The following PKD1L1 variants were observed in gnomAD, a reference collection of about 807,000 sequenced individuals.
PKD1L1 encodes the protein polycystin 1 like 1, transient receptor potential channel interacting.
In PKD1L1, 236 loss-of-function variants were observed where a neutral mutation model predicts 323.4. The ratio of observed to expected loss-of-function variants is 0.73; its 90% CI spans 0.66 to 0.81. The LOEUF (loss-of-function observed/expected upper bound fraction) is 0.81. Among genes scored for constraint, PKD1L1 ranks in the 40% least tolerant of loss-of-function variants. PKD1L1 has a pLI of 0.00. For missense variants in PKD1L1, 3,320 were observed against 3,508.0 expected (o/e 0.95, Z 1.35); for synonymous variants, 1,344 against 1,335.0 (o/e 1.01, Z -0.15).
intron 47 of PKD1L1, among the ~76,000 whole-genome samples, chr7:47,814,668 C>G (rs1784977259): frequency 6.6e-6 from 1 of 152,184 alleles, no homozygotes; most frequent in Non-Finnish European, 1.5e-5. Flanking sequence ...CACGCGCCAC[C>G]ACACACAGCT....
At position 47,774,925 on chromosome 7, in the gene PKD1L1, C is replaced by A; in HGVS notation, c.*218G>T. The A allele has an allele frequency of 3.7e-6, 2 of 541,742 alleles. No individual in the cohort carries two copies. The highest frequency in any genetic ancestry group is 3.3e-6 in the Non-Finnish European group (1 of 302,082). 33.6% of individuals were successfully genotyped at this position (541,742 alleles called of 1,614,324 possible). On this transcript the variant is annotated 3_prime_UTR_variant, in exon 57 of 57. Coordinates refer to ENST00000289672, the MANE Select transcript of PKD1L1 (RefSeq NM_138295.5). ...GTTAGAATCTTGTCCCACATCTGAA[C>A]TCTCCGAATGGTGATTATGAGTAAC...
chr7:47,880,291 T>A (rs1436852133), intron 21 of PKD1L1, among the ~76,000 whole-genome samples: 37 of 105,322 alleles, frequency 3.5e-4, no homozygotes, highest in African/African-American at 1.6e-3. Flanking sequence ...TATATTTTTT[T>A]TTTTTTTTTT....
chr7:47,883,954 C>T (rs910686910), intron 19 of PKD1L1, among the ~76,000 whole-genome samples: 3 of 152,184 alleles, frequency 2.0e-5, no homozygotes, highest in African/African-American at 7.2e-5. Context: ...ATAAGTCATT[C>T]GCTGATCATC....
chr7:47,928,398 A>G (rs1787694682), intron 7 of PKD1L1, among the ~76,000 whole-genome samples: 1 of 152,052 alleles, frequency 6.6e-6, no homozygotes, highest in African/African-American at 2.4e-5. Flanking sequence ...GTGAAACCCC[A>G]TGTCTACTAA....
intron 42 of PKD1L1, among the ~76,000 whole-genome samples, chr7:47,830,830 T>A (rs1785332434): frequency 6.6e-6 from 1 of 152,164 alleles, no homozygotes; most frequent in African/African-American, 2.4e-5. Flanking sequence ...ATAATCCCTG[T>A]CCCGAAGGCA....
intron 28 of PKD1L1, among the ~76,000 whole-genome samples, chr7:47,856,826 T>G (rs1269873180): frequency 1.3e-5 from 2 of 152,226 alleles, no homozygotes; most frequent in Non-Finnish European, 2.9e-5. Flanking sequence ...CAAAATAAGA[T>G]GTACCTAATT....
In PKD1L1 at chr7:47,839,475, A is replaced by C; in HGVS notation, c.5740T>G (p.Cys1914Gly). 1 of 1,612,028 alleles carries C rather than the reference A, an allele frequency of 6.2e-7. No individual in the cohort carries two copies. The highest frequency in any genetic ancestry group is 8.5e-7 in the Non-Finnish European group (1 of 1,179,444). ...CGGAAGCCGAGTCCCCCTTGCAGAC[A>C]GGTGAGCTCCCGCTCCACGCGACCA... is the stretch of plus-strand genomic sequence containing the variant. ...HDGRVERELTCLQGGLGFRKL... is the reference protein window; with the variant it reads ...HDGRVERELTGLQGGLGFRKL... The change falls in exon 36 of 57, where the codon TGT becomes GGT. Residue 1914 changes from cysteine to glycine, a missense_variant. Physicochemically the swap from Cys to Gly is radical, Grantham distance 159. Transcript: ENST00000289672. The surrounding 1 kb of genome is among the most constrained non-coding windows in gnomAD (Gnocchi z 4.3).
intron 24 of PKD1L1, among the ~76,000 whole-genome samples, chr7:47,872,815 T>C (rs933844853): frequency 1.3e-5 from 2 of 152,232 alleles, no homozygotes; most frequent in Non-Finnish European, 2.9e-5. Context: ...CCTAGTTACC[T>C]ACCCAAGGAA....
intron 11 of PKD1L1, 90 bp from the exon 12 acceptor site, chr7:47,904,707 G>C: frequency 7.0e-7 from 1 of 1,423,282 alleles, no homozygotes; most frequent in Non-Finnish European, 9.4e-7. Flanking sequence ...TACTTTAAGA[G>C]GAAGGCGGGG....
chr7:47,849,145 G>A (rs956377478), intron 31 of PKD1L1, among the ~76,000 whole-genome samples: 3 of 152,164 alleles, frequency 2.0e-5, no homozygotes, highest in Admixed American at 6.6e-5. Flanking sequence ...GGCTAGCCAC[G>A]TGTAGAAGAA....
Position 47,781,771 on chromosome 7 carries a change from C to A in PKD1L1, c.8527-6605G>T, listed in dbSNP as rs111701200. On this transcript the variant is annotated intron_variant, in intron 56 of 56. Coordinates refer to ENST00000289672, the MANE Select transcript of PKD1L1 (RefSeq NM_138295.5). ...GATTTTCTCCTGTTTTTTTCTCCTG[C>A]AAATTTGACAGTTTCATGTTTTGCA... Among the ~76,000 whole-genome samples, 666 of 152,130 alleles carry A rather than the reference C, an allele frequency of 4.4e-3. 10 individuals are homozygous for A. Among genetic ancestry groups the A allele is most frequent in the African/African-American group, 0.015 (627 of 41,520 alleles).
chr7:47,904,672 T>A (rs937053881), intron 11 of PKD1L1, 55 bp from the exon 12 acceptor site: 10 of 1,572,228 alleles, frequency 6.4e-6, no homozygotes, highest in Non-Finnish European at 8.6e-6. Context: ...AAGAACAGGG[T>A]CAGGTCTAGA....
At chr7:47,861,339 C>A (rs929529436) in intron 26 of PKD1L1, among the ~76,000 whole-genome samples, 11 of 152,180 alleles carry the variant, frequency 7.2e-5, no homozygotes, top group African/African-American at 2.7e-4. Context: ...TTGTCTCGAA[C>A]AAAATGAACT....
chr7:47,922,375 C>A (rs1035268936), intron 7 of PKD1L1, among the ~76,000 whole-genome samples: 1 of 151,950 alleles, frequency 6.6e-6, no homozygotes, highest in Non-Finnish European at 1.5e-5. Flanking sequence ...GGCCGCCCAT[C>A]GTCTGGGATG....
chr7:47,908,093 G>C lies in PKD1L1; in HGVS notation c.1386C>G (p.Ser462=). The C allele has an allele frequency of 1.9e-6, 3 of 1,613,764 alleles. No individual in the cohort carries two copies. The highest frequency in any genetic ancestry group is 1.7e-4 in the Middle Eastern group (1 of 5,878). Residue 462 remains serine, a synonymous_variant, in exon 9 of 57, where the codon TCC becomes TCG. Coordinates refer to ENST00000289672, the MANE Select transcript of PKD1L1 (RefSeq NM_138295.5). ...HEDEVLVFAD[S]QVNQKSTVVI... ...ACGTCTTACTTTTCTGATTCACTTG[G>C]GAGTCAGCAAAGACAAGCACTTCAT... is the stretch of plus-strand genomic sequence containing the variant.
chr7:47,864,641 C>A (rs71547870), intron 26 of PKD1L1, among the ~76,000 whole-genome samples: 1 of 98,276 alleles, frequency 1.0e-5, no homozygotes, highest in South Asian at 3.2e-4. Flanking sequence ...TCTTTCCTTC[C>A]TTCCTTCCTT....
At chr7:47,939,414 G>A (rs1002908472) in intron 3 of PKD1L1, among the ~76,000 whole-genome samples, 5 of 152,158 alleles carry the variant, frequency 3.3e-5, no homozygotes, top group African/African-American at 1.2e-4. Flanking sequence ...AACTAGAAAC[G>A]CACAACTCTG....
At chr7:47,922,051 T>C (rs557139213) in intron 7 of PKD1L1, among the ~76,000 whole-genome samples, 2 of 152,314 alleles carry the variant, frequency 1.3e-5, no homozygotes, top group East Asian at 3.9e-4. Flanking sequence ...TGCCTGGGAT[T>C]GCAGGCACGT....
Position 47,839,468 on chromosome 7 carries a change from T to A in PKD1L1, c.5747A>T (p.Gln1916Leu). Residue 1916 changes from glutamine to leucine, a missense_variant, in exon 36 of 57, where the codon CAA (glutamine) becomes CTA (leucine). Gln to Leu is a moderately radical substitution (Grantham distance 113). Transcript: ENST00000289672. The surrounding 1 kb of genome is among the most constrained non-coding windows in gnomAD (Gnocchi z 4.3). ...TACCTTCCGGAAGCCGAGTCCCCCTTGCAGACAGGTGAGCTCCCGCTCCAC... is the reference window on the plus strand; with the variant it reads ...TACCTTCCGGAAGCCGAGTCCCCCTAGCAGACAGGTGAGCTCCCGCTCCAC... ...GRVERELTCL[Q>L]GGLGFRKLFY... The A allele has an allele frequency of 6.2e-7, 1 of 1,611,436 alleles. No homozygotes were observed. The highest frequency in any genetic ancestry group is 8.5e-7 in the Non-Finnish European group (1 of 1,179,144).
Sources: allele counts gnomAD v4.1 joint callset (sites outside exome capture counted in the v4.1 genomes callset), GRCh38; gene constraint gnomAD v4.1.1; non-coding constraint Gnocchi (gnomAD v3.1); transcripts MANE v1.5; gene names NCBI Gene and HGNC (gene_info 2026-07-23, HGNC 2026-07-21).